The following PTPRT variants were observed in gnomAD, a reference collection of about 807,000 sequenced individuals.
PTPRT encodes protein tyrosine phosphatase receptor type T, also known as receptor-type tyrosine-protein phosphatase T.
In PTPRT, 56 loss-of-function variants were observed where a neutral mutation model predicts 176.8. That is an observed-to-expected ratio of 0.32 (90% CI 0.26 to 0.40). PTPRT has a LOEUF of 0.40. PTPRT is among the 10% of genes least tolerant of loss of function. PTPRT has a pLI of 1.00. For synonymous variants in PTPRT, 783 were observed against 739.0 expected (o/e 1.06, Z -0.96); for missense variants, 1,540 against 1,908.2 (o/e 0.81, Z 3.60).
chr20:43,025,172 C>G (rs1267307788), intron 1 of PTPRT, among the ~76,000 whole-genome samples: 2 of 152,100 alleles, frequency 1.3e-5, no homozygotes, highest in African/African-American at 4.8e-5. Flanking sequence ...GCTCACCATG[C>G]CTGATACTAA....
At chr20:42,068,450 T>C (rs1344429578), downstream of PTPRT, among the ~76,000 whole-genome samples, 1 of 152,208 alleles carries the variant, frequency 6.6e-6, no homozygotes, top group African/African-American at 2.4e-5. Context: ...TCAAATGGAT[T>C]TGAAAGCCAA....
intron 7 of PTPRT, among the ~76,000 whole-genome samples, chr20:42,589,056 G>A (rs1437200427): frequency 6.6e-6 from 1 of 152,196 alleles, no homozygotes; most frequent in African/African-American, 2.4e-5. Context: ...CCTCAGTAAA[G>A]TGCTTCCTAC....
chr20:42,168,821 G>C (rs1989948491), intron 16 of PTPRT, among the ~76,000 whole-genome samples: 1 of 152,176 alleles, frequency 6.6e-6, no homozygotes, highest in Admixed American at 6.5e-5. Flanking sequence ...CACTAGCATA[G>C]GTGTATGAGA....
intron 7 of PTPRT, among the ~76,000 whole-genome samples, chr20:42,598,402 G>T (rs2073713676): frequency 6.7e-6 from 1 of 150,284 alleles, no homozygotes; most frequent in Non-Finnish European, 1.5e-5. Context: ...CACAACAAAA[G>T]AGCTGTTTTT....
intron 8 of PTPRT, among the ~76,000 whole-genome samples, chr20:42,461,133 G>A (rs1218276298): frequency 6.6e-6 from 1 of 152,182 alleles, no homozygotes; most frequent in Non-Finnish European, 1.5e-5. Context: ...TTCGATACCA[G>A]CCTGACCAAC....
chr20:42,747,799 A>T (rs2145367238), intron 6 of PTPRT, among the ~76,000 whole-genome samples: 1 of 152,234 alleles, frequency 6.6e-6, no homozygotes, highest in East Asian at 1.9e-4. Flanking sequence ...AGGACTAGAT[A>T]TGGAGACCAT....
chr20:42,968,297 A>C (rs1455933137), intron 1 of PTPRT, among the ~76,000 whole-genome samples: 1 of 152,106 alleles, frequency 6.6e-6, no homozygotes, highest in African/African-American at 2.4e-5. Flanking sequence ...TGACCTGTCC[A>C]TTTCTCCATT....
intron 17 of PTPRT, among the ~76,000 whole-genome samples, chr20:42,144,816 T>C (rs921000211): frequency 1.3e-5 from 2 of 152,200 alleles, no homozygotes; most frequent in Non-Finnish European, 2.9e-5. Flanking sequence ...ACCATTCATT[T>C]TAATACACCA....
chr20:42,877,115 T>C (rs1307208853), intron 2 of PTPRT, among the ~76,000 whole-genome samples: 1 of 151,798 alleles, frequency 6.6e-6, no homozygotes, highest in East Asian at 1.9e-4. Flanking sequence ...AAGCTCATAA[T>C]GAACAGAAAG....
At chr20:42,305,182 A>G (rs557332851) in intron 12 of PTPRT, among the ~76,000 whole-genome samples, 16 of 152,002 alleles carry the variant, frequency 1.1e-4, no homozygotes, top group East Asian at 1.9e-4. Context: ...GTGAAAACCC[A>G]TCTCTGCTAA....
chr20:42,859,585 A>T (rs113636890), intron 2 of PTPRT, among the ~76,000 whole-genome samples: 4,020 of 114,376 alleles, frequency 0.035, 87 homozygotes, highest in Non-Finnish European at 0.051. Context: ...TTTTTTTTTT[A>T]ATTTTTTTTT....
At chr20:43,034,071 C>A (rs754727028) in intron 1 of PTPRT, among the ~76,000 whole-genome samples, 2 of 152,220 alleles carry the variant, frequency 1.3e-5, no homozygotes, top group Non-Finnish European at 2.9e-5. Flanking sequence ...GAGTCTGGGT[C>A]CGGGGGCCTC....
At chr20:42,425,728 A>G (rs1317797796) in intron 9 of PTPRT, among the ~76,000 whole-genome samples, 2 of 152,192 alleles carry the variant, frequency 1.3e-5, no homozygotes, top group African/African-American at 2.4e-5. Flanking sequence ...CCCTAAACAG[A>G]TACAATTTTT....
intron 8 of PTPRT, among the ~76,000 whole-genome samples, chr20:42,467,576 G>A (rs1321006970): frequency 1.3e-5 from 2 of 152,068 alleles, no homozygotes; most frequent in Admixed American, 6.5e-5. Context: ...TAGCATTGTG[G>A]GTATGTAGCA....
chr20:42,195,528 T>C (rs1991179777), intron 16 of PTPRT, among the ~76,000 whole-genome samples: 1 of 151,514 alleles, frequency 6.6e-6, no homozygotes, highest in South Asian at 2.1e-4. Flanking sequence ...ATTTTAAAGG[T>C]ACCTGATGCA....
At chr20:42,123,721 G>T (rs1468499542) in intron 19 of PTPRT, among the ~76,000 whole-genome samples, 2 of 152,160 alleles carry the variant, frequency 1.3e-5, no homozygotes, top group African/African-American at 4.8e-5. Flanking sequence ...CCCCGTGCCT[G>T]CTATGTCTGC....
At chr20:42,818,039 T>C (rs2077820514) in intron 2 of PTPRT, among the ~76,000 whole-genome samples, 1 of 152,078 alleles carries the variant, frequency 6.6e-6, no homozygotes, top group Admixed American at 6.5e-5. Flanking sequence ...ATTAAATGGG[T>C]CCTGATCCCC....
chr20:43,090,555 A>T (rs1369643627), intron 1 of PTPRT, among the ~76,000 whole-genome samples: 3 of 152,148 alleles, frequency 2.0e-5, no homozygotes, highest in Non-Finnish European at 4.4e-5. Context: ...GTCGTGAGCC[A>T]CCGCGCCCAG....
At chr20:42,709,773 A>C (rs952440646) in intron 6 of PTPRT, among the ~76,000 whole-genome samples, 5 of 152,224 alleles carry the variant, frequency 3.3e-5, no homozygotes, top group African/African-American at 1.2e-4. Context: ...GAAAGTTTGG[A>C]ACGTCTTAGA....
Sources: gnomAD v4.1 joint callset for allele counts (sites outside exome capture counted in the v4.1 genomes callset) on GRCh38, gnomAD v4.1.1 for gene constraint, MANE v1.5 for transcripts, NCBI Gene and HGNC (gene_info 2026-07-23, HGNC 2026-07-21) for gene names.